Variants in CSMD3 observed in about 807,000 individuals in gnomAD.
The protein encoded by CSMD3 is CUB and sushi domain-containing protein 3.
CSMD3 carries 177 observed loss-of-function variants against 435.2 expected under a neutral mutation model. The ratio of observed to expected loss-of-function variants is 0.41; its 90% CI spans 0.36 to 0.46. The LOEUF is 0.46. Ranked by LOEUF, CSMD3 falls within the 20% of genes least tolerant of loss-of-function variation. The pLI is 0.34. For missense variants in CSMD3, 4,265 were observed against 4,504.6 expected (o/e 0.95, Z 1.52); for synonymous variants, 1,656 against 1,520.5 (o/e 1.09, Z -2.07).
chr8:112,940,406 T>C (rs2083416419), intron 9 of CSMD3, among the ~76,000 whole-genome samples: 1 of 151,778 alleles, frequency 6.6e-6, no homozygotes, highest in Non-Finnish European at 1.5e-5. Context: ...TATCTTCCTA[T>C]TCAGTCAGAA....
At chr8:113,139,697 C>T (rs1006861268) in intron 4 of CSMD3, among the ~76,000 whole-genome samples, 1 of 150,852 alleles carries the variant, frequency 6.6e-6, no homozygotes, top group African/African-American at 2.4e-5. Context: ...AGCAGACTTA[C>T]GTCCTAACAT....
chr8:112,552,837 A>G (rs1586668203), intron 25 of CSMD3, 117 bp from the exon 26 acceptor site: 1 of 867,492 alleles, frequency 1.2e-6, no homozygotes, highest in Admixed American at 2.2e-5. Flanking sequence ...TTTAAAGTAT[A>G]CATTTGTATA....
intron 22 of CSMD3, among the ~76,000 whole-genome samples, chr8:112,618,155 C>T (rs1563773877): frequency 6.6e-6 from 1 of 151,996 alleles, no homozygotes; most frequent in African/African-American, 2.4e-5. Context: ...TACATAAAAT[C>T]ATGGTATACA....
intron 51 of CSMD3, among the ~76,000 whole-genome samples, chr8:112,305,673 T>C (rs1821350733): frequency 6.6e-6 from 1 of 152,158 alleles, no homozygotes. Context: ...AATATAATTT[T>C]ATTAACACAG....
At chr8:112,592,303 A>G (rs1831259395) in intron 22 of CSMD3, among the ~76,000 whole-genome samples, 2 of 152,020 alleles carry the variant, frequency 1.3e-5, no homozygotes, top group Admixed American at 1.3e-4. Flanking sequence ...TATTACTTGC[A>G]TACAGTCTTA....
intron 9 of CSMD3, among the ~76,000 whole-genome samples, chr8:112,946,410 A>G (rs1320997932): frequency 1.3e-5 from 2 of 151,848 alleles, no homozygotes; most frequent in East Asian, 3.9e-4. Context: ...AAAGTGCAAT[A>G]TATTATAATA....
intron 4 of CSMD3, among the ~76,000 whole-genome samples, chr8:113,166,542 T>A (rs2131855108): frequency 6.6e-6 from 1 of 152,190 alleles, no homozygotes; most frequent in Non-Finnish European, 1.5e-5. Flanking sequence ...TAAAGTAAAA[T>A]ATGTATGTGT....
chr8:113,209,846 T>G (rs1013496103), intron 3 of CSMD3, among the ~76,000 whole-genome samples: 15 of 152,250 alleles, frequency 9.9e-5, no homozygotes, highest in East Asian at 9.7e-4. Context: ...TAAGTTTAGC[T>G]AATCATGGTT....
At chr8:112,695,937 AACAG>A (rs1302460658) in intron 13 of CSMD3, among the ~76,000 whole-genome samples, 1 of 152,118 alleles carries the variant, frequency 6.6e-6, no homozygotes, top group Non-Finnish European at 1.5e-5. Context: ...ATACACCAAT[AACAG>A]ACAGAGAGCC....
At chr8:112,541,082 C>T (rs899556790) in intron 27 of CSMD3, among the ~76,000 whole-genome samples, 14 of 151,722 alleles carry the variant, frequency 9.2e-5, no homozygotes, top group African/African-American at 3.1e-4. Context: ...ATAGAAAACA[C>T]CTCAAGATGA....
At chr8:113,136,208 T>C (rs779014600) in intron 4 of CSMD3, among the ~76,000 whole-genome samples, 3 of 151,812 alleles carry the variant, frequency 2.0e-5, no homozygotes, top group Non-Finnish European at 4.4e-5. Flanking sequence ...GCTAAAAAGT[T>C]TTCTGAGCCA....
intron 35 of CSMD3, among the ~76,000 whole-genome samples, chr8:112,393,422 G>T (rs1478352842): frequency 6.6e-6 from 1 of 152,142 alleles, no homozygotes; most frequent in African/African-American, 2.4e-5. Flanking sequence ...ATTTCCCTGT[G>T]TTAAGTGTCC....
At chr8:112,719,638 T>C (rs1016573422) in intron 13 of CSMD3, among the ~76,000 whole-genome samples, 4 of 152,062 alleles carry the variant, frequency 2.6e-5, no homozygotes. Flanking sequence ...CGTCTCCAAA[T>C]ACTATCATAT....
intron 12 of CSMD3, among the ~76,000 whole-genome samples, chr8:112,820,928 T>C (rs1404168744): frequency 3.3e-5 from 5 of 152,162 alleles, no homozygotes; most frequent in African/African-American, 1.2e-4. Flanking sequence ...TCTTTCTTAG[T>C]TTGTTGAAGA....
chr8:112,688,746 C>T (rs1025545740), intron 14 of CSMD3, among the ~76,000 whole-genome samples: 3 of 151,874 alleles, frequency 2.0e-5, no homozygotes, highest in South Asian at 2.1e-4. Flanking sequence ...CATTATTAAT[C>T]GCTACATTTT....
At chr8:112,745,455 G>A (rs954632970) in intron 13 of CSMD3, among the ~76,000 whole-genome samples, 2 of 151,496 alleles carry the variant, frequency 1.3e-5, no homozygotes, top group Admixed American at 1.3e-4. Context: ...ATATTGTTTT[G>A]GTCTTTTACT....
intron 13 of CSMD3, among the ~76,000 whole-genome samples, chr8:112,708,343 A>G (rs142139751): frequency 9.3e-4 from 142 of 152,216 alleles, no homozygotes; most frequent in African/African-American, 3.3e-3. Flanking sequence ...TCTGGTTATA[A>G]TGGAGTTAAT....
intron 23 of CSMD3, among the ~76,000 whole-genome samples, chr8:112,579,314 C>T (rs775414611): frequency 6.6e-6 from 1 of 151,890 alleles, no homozygotes; most frequent in Non-Finnish European, 1.5e-5. Context: ...CAAGTTAAGC[C>T]ATGTTTTGTA....
chr8:112,945,392 A>G (rs960620728), intron 9 of CSMD3, among the ~76,000 whole-genome samples: 2 of 151,798 alleles, frequency 1.3e-5, no homozygotes, highest in African/African-American at 4.8e-5. Flanking sequence ...AAATTGGATC[A>G]GGTCACTTAC....
Sources: allele counts gnomAD v4.1 joint callset (sites outside exome capture counted in the v4.1 genomes callset), GRCh38; gene constraint gnomAD v4.1.1; transcripts MANE v1.5; gene names NCBI Gene and HGNC (gene_info 2026-07-23, HGNC 2026-07-21).